MATN2: variants seen among roughly 807,000 people sequenced by gnomAD.
The protein encoded by MATN2 is matrilin 2.
A neutral mutation model predicts 103.2 loss-of-function variants in MATN2; 69 were observed. The observed-to-expected ratio is 0.67, with a 90% CI of 0.55 to 0.82. MATN2 has a LOEUF of 0.82. Ranked by LOEUF, MATN2 falls within the 40% of genes least tolerant of loss-of-function variation. The pLI is 0.00. For missense variants in MATN2, 1,023 were observed against 1,211.5 expected (o/e 0.84, Z 2.31); for synonymous variants, 429 against 450.2 (o/e 0.95, Z 0.60).
intron 6 of MATN2, among the ~76,000 whole-genome samples, chr8:97,987,936 A>G (rs1399780232): frequency 1.3e-5 from 2 of 151,798 alleles, no homozygotes; most frequent in Non-Finnish European, 2.9e-5. Context: ...GTCTAACCAG[A>G]CTAGTCAAGG....
chr8:97,884,803 A>G (rs2129967190), intron 1 of MATN2, among the ~76,000 whole-genome samples: 1 of 152,074 alleles, frequency 6.6e-6, no homozygotes, highest in Non-Finnish European at 1.5e-5. Flanking sequence ...ACAACACGGA[A>G]TAGCTAACAC....
At chr8:98,018,893 T>C (rs1813470850) in intron 12 of MATN2, among the ~76,000 whole-genome samples, 1 of 151,936 alleles carries the variant, frequency 6.6e-6, no homozygotes, top group Non-Finnish European at 1.5e-5. Context: ...CTGTGGGTTT[T>C]TTCTATTATT....
At chr8:97,914,358 CTTTTTTTTTTTTTTTTT>C (rs149996231) in intron 2 of MATN2, among the ~76,000 whole-genome samples, 3 of 52,936 alleles carry the variant, frequency 5.7e-5, no homozygotes, top group African/African-American at 2.5e-4. Flanking sequence ...AAATCCAGAC[CTTTTTTTTTTTTTTTTT>C]TTTTTTTTTT....
intron 12 of MATN2, among the ~76,000 whole-genome samples, chr8:98,018,599 A>G (rs1311694147): frequency 6.6e-6 from 1 of 152,194 alleles, no homozygotes; most frequent in Non-Finnish European, 1.5e-5. Flanking sequence ...TGATGGACTC[A>G]CAGTTCCACT....
At chr8:97,952,883 G>T (rs893667547) in intron 4 of MATN2, among the ~76,000 whole-genome samples, 5 of 146,862 alleles carry the variant, frequency 3.4e-5, no homozygotes, top group Admixed American at 1.4e-4. Flanking sequence ...ATAAATTTTA[G>T]AACGTTAGGA....
At chr8:97,992,928 CAATAAT>C (rs58706549) in intron 6 of MATN2, among the ~76,000 whole-genome samples, 15,538 of 144,504 alleles carry the variant, frequency 0.11, 1,253 homozygotes, top group African/African-American at 0.23. Context: ...TCAAAACAAA[CAATAAT>C]AATAATAATA....
At chr8:98,019,468 A>T (rs139863195) in intron 12 of MATN2, among the ~76,000 whole-genome samples, 1 of 152,332 alleles carries the variant, frequency 6.6e-6, no homozygotes, top group Admixed American at 6.5e-5. Flanking sequence ...TCTACATTAT[A>T]GAGGGTGATC....
chr8:97,888,295 G>A, intron 2 of MATN2, 53 bp downstream of exon 2: 2 of 1,432,674 alleles, frequency 1.4e-6, no homozygotes, highest in Non-Finnish European at 1.8e-6. Flanking sequence ...GGTTTGGGGA[G>A]GGCTCAGGGA....
In MATN2 at chr8:97,992,928, C is replaced by CAATAATAATAATAATAAT. The variant is rs58706549; in HGVS notation, c.1082-1537_1082-1520dup. On this transcript the variant is annotated intron_variant, in intron 6 of 18. Coordinates refer to ENST00000254898, the MANE Select transcript of MATN2 (RefSeq NM_002380.5). ...GAGCGAGACTCTGTCTCAAAACAAA[C>CAATAATAATAATAATAAT]AATAATAATAATAATAATAATAATA... 5.3e-4 allele frequency among the ~76,000 whole-genome samples: 77 copies of CAATAATAATAATAATAAT among 144,592 alleles called. 2 individuals carry two copies. Among genetic ancestry groups the CAATAATAATAATAATAAT allele is most frequent in the African/African-American group, 1.6e-3 (63 of 39,220 alleles). The allele number at this position is 144,592 out of a possible 152,430, so 94.9% of individuals were successfully genotyped here. A position where few individuals can be genotyped will look rare whatever the true frequency, so the allele number is the denominator to read the frequency against.
chr8:98,012,275 G>A (rs553463598), intron 10 of MATN2, among the ~76,000 whole-genome samples: 88 of 152,288 alleles, frequency 5.8e-4, no homozygotes, highest in African/African-American at 2.0e-3. Flanking sequence ...AGTGTTTAAA[G>A]CTTCTCGGGG....
intron 2 of MATN2, among the ~76,000 whole-genome samples, chr8:97,888,901 G>A (rs1818533126): frequency 6.6e-6 from 1 of 152,118 alleles, no homozygotes; most frequent in Non-Finnish European, 1.5e-5. Context: ...TTCCAGATGT[G>A]ATATAACCTC....
intron 10 of MATN2, among the ~76,000 whole-genome samples, chr8:98,016,217 C>CA (rs1342073035): frequency 2.0e-5 from 3 of 151,994 alleles, no homozygotes; most frequent in Admixed American, 1.3e-4. Flanking sequence ...CCCGTCTCCA[C>CA]AAAAAATTAG....
At chr8:97,880,686 C>G (rs1234810355) in intron 1 of MATN2, among the ~76,000 whole-genome samples, 1 of 152,192 alleles carries the variant, frequency 6.6e-6, no homozygotes, top group Non-Finnish European at 1.5e-5. Flanking sequence ...GGATGTTAAT[C>G]CGACTGGGCT....
At chr8:97,881,230 G>C (rs1818243241) in intron 1 of MATN2, among the ~76,000 whole-genome samples, 1 of 152,204 alleles carries the variant, frequency 6.6e-6, no homozygotes, top group African/African-American at 2.4e-5. Context: ...GTCTGGTTTA[G>C]ATTGAGAAAC....
At chr8:97,912,041 T>C (rs1163988184) in intron 2 of MATN2, among the ~76,000 whole-genome samples, 1 of 152,086 alleles carries the variant, frequency 6.6e-6, no homozygotes, top group East Asian at 1.9e-4. Flanking sequence ...TTGCCCAGGG[T>C]GGAGAATGAG....
chr8:97,898,528 C>T (rs1284818447), intron 2 of MATN2, among the ~76,000 whole-genome samples: 3 of 148,792 alleles, frequency 2.0e-5, no homozygotes, highest in African/African-American at 5.0e-5. Context: ...ACCTCGGAGG[C>T]GGAGGTTGCA....
In MATN2 at chr8:97,888,079, G is replaced by A. The variant is rs755790601; in HGVS notation, c.-22G>A. On this transcript the variant is annotated 5_prime_UTR_variant, in exon 2 of 19. Transcript: ENST00000254898. ...CTTGTGTTGTGTTTGTCACAGCCTT[G>A]CCCCTCTTGCTCGCCTTGAAAATGG... 14 of 1,606,618 alleles carry A rather than the reference G, an allele frequency of 8.7e-6. No homozygotes were observed. The highest frequency in any genetic ancestry group is 1.2e-5 in the Non-Finnish European group (14 of 1,176,830).
chr8:97,972,945 G>C (rs1175533351), intron 5 of MATN2, among the ~76,000 whole-genome samples: 1 of 152,148 alleles, frequency 6.6e-6, no homozygotes, highest in Non-Finnish European at 1.5e-5. Flanking sequence ...TTATACAAGA[G>C]GTCACCTCCA....
intron 1 of MATN2, among the ~76,000 whole-genome samples, chr8:97,885,323 A>G (rs1818388488): frequency 6.6e-6 from 1 of 152,218 alleles, no homozygotes; most frequent in African/African-American, 2.4e-5. Flanking sequence ...ATAGTGTTTT[A>G]TAAAATAAGG....
Sources: allele counts gnomAD v4.1 joint callset (sites outside exome capture counted in the v4.1 genomes callset), GRCh38; gene constraint gnomAD v4.1.1; transcripts MANE v1.5; gene names NCBI Gene and HGNC (gene_info 2026-07-23, HGNC 2026-07-21).